The following NALF1 variants were observed in gnomAD, a reference collection of about 807,000 sequenced individuals.
NALF1 encodes the protein NALCN channel auxiliary factor 1, also known as family with sequence similarity 155 member A.
NALF1 carries 3 observed loss-of-function variants against 48.4 expected under a neutral mutation model. The ratio of observed to expected loss-of-function variants is 0.06; its 90% CI spans 0.03 to 0.16. NALF1 has a LOEUF of 0.16. Ranked by LOEUF, NALF1 falls within the 10% of genes least tolerant of loss-of-function variation. The probability of loss-of-function intolerance (pLI) is 1.00; values close to 1 mark genes in which losing one functional copy is unlikely to be tolerated. For synonymous variants in NALF1, 262 were observed against 245.7 expected (o/e 1.07, Z -0.62); for missense variants, 526 against 571.5 (o/e 0.92, Z 0.81).
chr13:107,406,026 A>G (rs1182335558), intron 1 of NALF1, among the ~76,000 whole-genome samples: 1 of 152,028 alleles, frequency 6.6e-6, no homozygotes, highest in African/African-American at 2.4e-5. Flanking sequence ...CGTGGTGCCT[A>G]TCTCTCAGAC....
At chr13:107,854,871 AAAAAAAAAAAAAG>A (rs1175494669) in intron 1 of NALF1, among the ~76,000 whole-genome samples, 1 of 149,584 alleles carries the variant, frequency 6.7e-6, no homozygotes, top group African/African-American at 2.5e-5. Flanking sequence ...TCCATCTCAA[AAAAAAAAAAAAAG>A]AAAAAAAGAC....
chr13:107,731,894 T>A (rs1268015222), intron 1 of NALF1, among the ~76,000 whole-genome samples: 1 of 152,176 alleles, frequency 6.6e-6, no homozygotes, highest in East Asian at 1.9e-4. Context: ...TTCTTAAAAC[T>A]CTTTCTCTGC....
At chr13:107,543,812 T>A (rs1877062295) in intron 1 of NALF1, among the ~76,000 whole-genome samples, 1 of 151,948 alleles carries the variant, frequency 6.6e-6, no homozygotes, top group African/African-American at 2.4e-5. Flanking sequence ...TATACCCACA[T>A]ATATACACAT....
At chr13:107,731,878 T>G (rs1422417255) in intron 1 of NALF1, among the ~76,000 whole-genome samples, 1 of 152,192 alleles carries the variant, frequency 6.6e-6, no homozygotes, top group Non-Finnish European at 1.5e-5. Context: ...CAGTAAATTT[T>G]AGAAATTCTT....
chr13:107,331,323 T>A (rs1882464681), intron 1 of NALF1, among the ~76,000 whole-genome samples: 1 of 152,144 alleles, frequency 6.6e-6, no homozygotes, highest in Non-Finnish European at 1.5e-5. Flanking sequence ...GATCAATTTG[T>A]TAATAAATAA....
chr13:107,653,561 T>C (rs972616831), intron 1 of NALF1, among the ~76,000 whole-genome samples: 1 of 152,042 alleles, frequency 6.6e-6, no homozygotes, highest in Non-Finnish European at 1.5e-5. Flanking sequence ...TTTTTTGTTT[T>C]TCATTTCAAT....
At chr13:107,564,535 G>C (rs1354554861) in intron 1 of NALF1, among the ~76,000 whole-genome samples, 3 of 152,152 alleles carry the variant, frequency 2.0e-5, no homozygotes, top group African/African-American at 4.8e-5. Context: ...ACCAAACCTA[G>C]AGTCCAGGCC....
intron 1 of NALF1, among the ~76,000 whole-genome samples, chr13:107,322,679 A>C (rs1018552524): frequency 2.0e-5 from 3 of 152,188 alleles, no homozygotes; most frequent in Middle Eastern, 3.2e-3. Flanking sequence ...TGATGGGCTC[A>C]GTACATACTT....
At chr13:107,448,381 T>A (rs1286049487) in intron 1 of NALF1, among the ~76,000 whole-genome samples, 1 of 83,534 alleles carries the variant, frequency 1.2e-5, no homozygotes, top group Non-Finnish European at 3.1e-5. Flanking sequence ...GTATTAGGAA[T>A]TTTAAGTCTC....
chr13:107,193,622 CACA>C (rs1879326656), intron 2 of NALF1, among the ~76,000 whole-genome samples: 1 of 152,112 alleles, frequency 6.6e-6, no homozygotes, highest in East Asian at 1.9e-4. Flanking sequence ...TAACCCCTCC[CACA>C]TGCAGGAGGG....
intron 1 of NALF1, among the ~76,000 whole-genome samples, chr13:107,400,766 C>G (rs1186341623): frequency 6.6e-6 from 1 of 152,092 alleles, no homozygotes; most frequent in Non-Finnish European, 1.5e-5. Flanking sequence ...GTTTAACCTG[C>G]ATAAACACTT....
intron 1 of NALF1, among the ~76,000 whole-genome samples, chr13:107,778,522 A>G (rs1196125409): frequency 1.3e-5 from 2 of 152,254 alleles, no homozygotes; most frequent in Non-Finnish European, 2.9e-5. Flanking sequence ...TTGATGGCAG[A>G]ACTAAAGTCA....
Position 107,278,055 on chromosome 13 carries a change from G to A in NALF1, c.916-67300C>T, listed in dbSNP as rs186234936. 4.2e-3 allele frequency among the ~76,000 whole-genome samples: 634 copies of A among 152,314 alleles called. 1 individual carries two copies. The highest frequency in any genetic ancestry group is 7.4e-3 in the Non-Finnish European group (501 of 68,030). Reference sequence around the variant, plus strand: ...ATACAATGATTTAAAAATAAGAGCAGTAGTTTCTACAGGATGTTCAGACAT... The same window carrying A: ...ATACAATGATTTAAAAATAAGAGCAATAGTTTCTACAGGATGTTCAGACAT... On this transcript the variant is annotated intron_variant, in intron 1 of 2. Coordinates refer to ENST00000375915, the MANE Select transcript of NALF1 (RefSeq NM_001080396.3).
intron 1 of NALF1, among the ~76,000 whole-genome samples, chr13:107,658,158 TTTC>T (rs1880633309): frequency 1.3e-5 from 2 of 152,124 alleles, no homozygotes; most frequent in African/African-American, 4.8e-5. Flanking sequence ...TGGGTGTGAA[TTTC>T]TTTTTTTATT....
chr13:107,499,010 A>G (rs527955792), intron 1 of NALF1, among the ~76,000 whole-genome samples: 2 of 152,314 alleles, frequency 1.3e-5, no homozygotes, highest in Admixed American at 6.5e-5. Context: ...GGTGTTCAGT[A>G]CATATCTAAC....
At chr13:107,635,086 G>A (rs1924433) in intron 1 of NALF1, among the ~76,000 whole-genome samples, 90,146 of 151,936 alleles carry the variant, frequency 0.59, 28,714 homozygotes, top group East Asian at 0.99. Context: ...GAATATGTGA[G>A]TATCTTCACA....
intron 1 of NALF1, among the ~76,000 whole-genome samples, chr13:107,718,836 C>A (rs933608024): frequency 6.6e-6 from 1 of 152,166 alleles, no homozygotes; most frequent in African/African-American, 2.4e-5. Flanking sequence ...AAATTCATTT[C>A]CTCGGTCACC....
At chr13:107,372,407 T>A (rs1389700146) in intron 1 of NALF1, among the ~76,000 whole-genome samples, 9 of 152,212 alleles carry the variant, frequency 5.9e-5, no homozygotes, top group Non-Finnish European at 1.3e-4. Flanking sequence ...CACAGAGAAA[T>A]ATAAATTATA....
intron 1 of NALF1, among the ~76,000 whole-genome samples, chr13:107,464,652 C>T (rs1438053342): frequency 6.6e-6 from 1 of 152,110 alleles, no homozygotes; most frequent in Admixed American, 6.5e-5. Context: ...TCCCAAGTAG[C>T]TGGGATTACA....
Sources: allele counts gnomAD v4.1 joint callset (sites outside exome capture counted in the v4.1 genomes callset), GRCh38; gene constraint gnomAD v4.1.1; transcripts MANE v1.5; gene names NCBI Gene and HGNC (gene_info 2026-07-23, HGNC 2026-07-21).